CREBBP: variants seen among roughly 807,000 people sequenced by gnomAD.
CREBBP encodes CREB-binding protein.
A neutral mutation model predicts 265.0 loss-of-function variants in CREBBP; 19 were observed. The observed-to-expected ratio is 0.07, with a 90% confidence interval of 0.05 to 0.11. CREBBP has a LOEUF of 0.11. Ranked by LOEUF, CREBBP falls within the 10% of genes least tolerant of loss-of-function variation. CREBBP has a pLI of 1.00. For synonymous variants in CREBBP, 1,457 were observed against 1,223.7 expected, an observed-to-expected ratio of 1.19 and a Z score of -3.98; for missense variants, 2,525 against 3,219.0, an observed-to-expected ratio of 0.78 and a Z score of 5.22.
intron 2 of CREBBP, among the ~76,000 whole-genome samples, chr16:3,829,308 A>G (rs571431007): frequency 3.3e-4 from 50 of 152,366 alleles, no homozygotes; most frequent in African/African-American, 1.1e-3. Flanking sequence ...AAGATGAGAG[A>G]TAACGTTTAA....
chr16:3,877,119 C>G (rs997147956), intron 1 of CREBBP, among the ~76,000 whole-genome samples: 2 of 152,198 alleles, frequency 1.3e-5, no homozygotes, highest in African/African-American at 2.4e-5. Flanking sequence ...AGCTCCTAGA[C>G]AGAGGTCCCC....
intron 16 of CREBBP, among the ~76,000 whole-genome samples, chr16:3,760,137 G>A (rs1458660610): frequency 6.6e-6 from 1 of 152,108 alleles, no homozygotes; most frequent in African/African-American, 2.4e-5. Flanking sequence ...TGTTGCCCAG[G>A]TTGGGGGACA....
At chr16:3,802,266 G>C (rs1163910422) in intron 3 of CREBBP, among the ~76,000 whole-genome samples, 1 of 151,182 alleles carries the variant, frequency 6.6e-6, no homozygotes. Context: ...CAAGTAGCTG[G>C]ACTTACAGAC....
chr16:3,804,571 A>G (rs2053791605), intron 3 of CREBBP, among the ~76,000 whole-genome samples: 1 of 152,158 alleles, frequency 6.6e-6, no homozygotes, highest in Non-Finnish European at 1.5e-5. Flanking sequence ...GCTACGACTG[A>G]CCTCACCCAG....
Position 3,731,831 on chromosome 16 carries a change from T to G in CREBBP, c.4835A>C (p.Asn1612Thr), listed in dbSNP as rs764431514. The G allele has an allele frequency of 6.2e-7, 1 of 1,614,122 alleles. No individual in the cohort carries two copies. The highest frequency in any genetic ancestry group is 8.5e-7 in the Non-Finnish European group (1 of 1,180,046). The change falls in exon 29 of 31, where the codon AAC becomes ACC. Residue 1612 changes from asparagine to threonine, a missense_variant. Transcript: ENST00000262367. The surrounding 1 kb of genome is among the most constrained non-coding windows in gnomAD (Gnocchi z 7.7). ...RANKKKPSMP[N>T]VSNDLSQKLY... is the part of the protein sequence containing the mutation. ...CTTCTGGGACAGGTCATTGGACACG[T>G]TGGGCATGCTGGGCTTCTTCTTGTT... is the stretch of plus-strand genomic sequence containing the variant.
chr16:3,770,366 A>T (rs887613886), intron 14 of CREBBP, among the ~76,000 whole-genome samples: 12 of 150,860 alleles, frequency 8.0e-5, no homozygotes, highest in African/African-American at 2.4e-4. Context: ...GTTAAAAAAA[A>T]TTTTTTTTTG....
chr16:3,770,462 C>T lies in CREBBP; in HGVS notation c.2880+108G>A, dbSNP rs2052973273. 4.7e-6 allele frequency: 6 copies of T among 1,277,878 alleles called. No homozygotes were observed. In the South Asian group the frequency reaches 7.2e-5, roughly 15 times the overall value. 79.2% of individuals were successfully genotyped at this position (1,277,878 alleles called of 1,614,324 possible). A position where few individuals can be genotyped will look rare whatever the true frequency, so the allele number is the denominator to read the frequency against. On this transcript the variant is annotated intron_variant, in intron 14 of 30. Coordinates refer to ENST00000262367, the MANE Select transcript of CREBBP (RefSeq NM_004380.3). ...TCTCCCACCTTGGCCTCCCAAGGTG[C>T]TGAAATTATAGGTGTGAACCACCGC...
intron 2 of CREBBP, among the ~76,000 whole-genome samples, chr16:3,827,623 C>A (rs1057291799): frequency 6.6e-6 from 1 of 152,040 alleles, no homozygotes; most frequent in South Asian, 2.1e-4. Flanking sequence ...GATCTCCTGA[C>A]CTCGTGATCC....
At chr16:3,758,809 A>G (rs2052644207) in intron 17 of CREBBP, 45 bp downstream of exon 17, 11 of 1,388,930 alleles carry the variant, frequency 7.9e-6, no homozygotes, top group Non-Finnish European at 1.1e-5. Flanking sequence ...GACACTCAGA[A>G]GTCACACCAG....
intron 26 of CREBBP, 59 bp downstream of exon 26, chr16:3,738,500 A>C: frequency 2.0e-6 from 2 of 1,010,328 alleles, no homozygotes; most frequent in Non-Finnish European, 3.1e-6. Flanking sequence ...TCACGGAATA[A>C]ACATACAGTA....
chr16:3,733,631 G>C (rs552034065), intron 28 of CREBBP, among the ~76,000 whole-genome samples: 59 of 152,222 alleles, frequency 3.9e-4, no homozygotes, highest in Admixed American at 1.1e-3. Flanking sequence ...TTTTGTGTCA[G>C]CCTTAAAACA....
rs372674035 is a variant in CREBBP at position 3,751,740 on chromosome 16, A to C, written c.3765T>G (p.Pro1255=). ...QGENVTLGDD[P]SQPQTTISKD... ...ACGGTACTTACGTCTGGGGCTGTGAAGGGTCGTCACCCAGGGTCACATTCT... is the reference window on the plus strand; with the variant it reads ...ACGGTACTTACGTCTGGGGCTGTGACGGGTCGTCACCCAGGGTCACATTCT... The change falls in exon 20 of 31, where the codon CCT becomes CCG. Residue 1255 remains proline (P), a synonymous_variant. Coordinates refer to ENST00000262367, the MANE Select transcript of CREBBP (RefSeq NM_004380.3). The C allele has an allele frequency of 2.5e-6, 4 of 1,614,046 alleles. No homozygotes were observed. Among genetic ancestry groups the C allele is most frequent in the Non-Finnish European group, 3.4e-6 (4 of 1,180,014 alleles).
At chr16:3,734,098 C>A (rs755144678) in intron 28 of CREBBP, among the ~76,000 whole-genome samples, 1 of 152,166 alleles carries the variant, frequency 6.6e-6, no homozygotes, top group African/African-American at 2.4e-5. Context: ...TCCGTGTTTG[C>A]GACATTCCTC....
chr16:3,782,590 C>T (rs982404290), intron 6 of CREBBP, 94 bp downstream of exon 6: 2 of 1,520,354 alleles, frequency 1.3e-6, no homozygotes, highest in Non-Finnish European at 1.8e-6. Context: ...GTAAAAAACA[C>T]AAAACAAACT....
In CREBBP at chr16:3,851,019, A is replaced by C; in HGVS notation, c.86-10T>G. On this transcript the variant is annotated splice_polypyrimidine_tract_variant and intron_variant, in intron 1 of 30. Transcript: ENST00000262367. Reference sequence around the variant, plus strand: ...AACAATGATCCAAAATCTAGAAATTAAACAGAAATGGAAATGAGAAACTAA... The same window carrying C: ...AACAATGATCCAAAATCTAGAAATTCAACAGAAATGGAAATGAGAAACTAA... The C allele has an allele frequency of 6.2e-7, 1 of 1,612,474 alleles. No homozygotes were observed. The highest frequency in any genetic ancestry group is 1.7e-5 in the Admixed American group (1 of 60,022).
In CREBBP at chr16:3,726,834, AGTTT is replaced by A. The variant is rs1217937351; in HGVS notation, c.*880_*883del. The A allele has an allele frequency of 8.6e-6, 2 of 233,478 alleles. No individual in the cohort carries two copies. The highest frequency in any genetic ancestry group is 1.7e-5 in the Non-Finnish European group (2 of 118,028). The allele number at this position is 233,478 out of a possible 1,614,324, so 14.5% of individuals were successfully genotyped here. A position where few individuals can be genotyped will look rare whatever the true frequency, so the allele number is the denominator to read the frequency against. On this transcript the variant is annotated 3_prime_UTR_variant, in exon 31 of 31. Coordinates refer to ENST00000262367, the MANE Select transcript of CREBBP (RefSeq NM_004380.3). ...ACCACCCTTTTTGTCTGTTGCACAC[AGTTT>A]ATTTAACAATATGATATAAGAAATG...
chr16:3,756,525 T>C lies in CREBBP; in HGVS notation c.3698+763A>G, dbSNP rs78098123. Among the ~76,000 whole-genome samples the C allele has an allele frequency of 2.0e-4, 31 of 152,354 alleles. No individual in the cohort carries two copies. The East Asian group carries it at 5.6e-3, about 28-fold the overall frequency. ...TCATATTCCAAAAGAATGGCAAGTA[T>C]TTCTTAAGCAGATCCACCACTCACA... is the stretch of plus-strand genomic sequence containing the variant. On this transcript the variant is annotated intron_variant, in intron 19 of 30. Coordinates refer to ENST00000262367, the MANE Select transcript of CREBBP (RefSeq NM_004380.3).
At chr16:3,755,500 C>T (rs1389018467) in intron 19 of CREBBP, among the ~76,000 whole-genome samples, 1 of 152,112 alleles carries the variant, frequency 6.6e-6, no homozygotes, top group Non-Finnish European at 1.5e-5. Context: ...AAAGTGCATT[C>T]CTATTCATTA....
chr16:3,842,465 C>T (rs902939409), intron 2 of CREBBP, among the ~76,000 whole-genome samples: 1 of 152,134 alleles, frequency 6.6e-6, no homozygotes, highest in African/African-American at 2.4e-5. Context: ...AAAACAAGAA[C>T]ATGCTCCCCT....
Sources: allele counts gnomAD v4.1 joint callset (sites outside exome capture counted in the v4.1 genomes callset), GRCh38; gene constraint gnomAD v4.1.1; non-coding constraint Gnocchi (gnomAD v3.1); transcripts MANE v1.5; gene names NCBI Gene and HGNC (gene_info 2026-07-23, HGNC 2026-07-21).